Variants in THSD4 observed in about 807,000 individuals in gnomAD.
THSD4 encodes the protein thrombospondin type 1 domain containing 4, also known as thrombospondin type-1 domain-containing protein 4.
In THSD4, 69 loss-of-function variants were observed where a neutral mutation model predicts 119.0. That is an observed-to-expected ratio of 0.58 (90% CI 0.48 to 0.71). THSD4 has a LOEUF of 0.71. Ranked by LOEUF, THSD4 falls within the 30% of genes least tolerant of loss-of-function variation. The pLI, the probability that THSD4 is intolerant of heterozygous loss-of-function variation, is 0.00. For synonymous variants in THSD4, 524 were observed against 540.4 expected, an observed-to-expected ratio of 0.97 and a Z score of 0.42; for missense variants, 1,393 against 1,391.1, an observed-to-expected ratio of 1.00 and a Z score of -0.02.
At chr15:71,532,283 A>AGAGAGT (rs1379506089) in intron 7 of THSD4, among the ~76,000 whole-genome samples, 2,411 of 101,590 alleles carry the variant, frequency 0.024, 68 homozygotes, top group Middle Eastern at 0.038. Context: ...AGAGAGAGAG[A>AGAGAGT]GTGTGTGTGT....
intron 7 of THSD4, among the ~76,000 whole-genome samples, chr15:71,574,892 A>AT (rs1164463538): frequency 6.6e-6 from 1 of 152,156 alleles, no homozygotes; most frequent in Non-Finnish European, 1.5e-5. Flanking sequence ...ATTTCTCTAG[A>AT]TATCCTGGAA....
At chr15:71,680,490 CAG>C (rs1169327251) in intron 8 of THSD4, among the ~76,000 whole-genome samples, 1 of 152,148 alleles carries the variant, frequency 6.6e-6, no homozygotes, top group East Asian at 1.9e-4. Flanking sequence ...ATTTGTTGAT[CAG>C]AGAAAAAGGA....
intron 6 of THSD4, among the ~76,000 whole-genome samples, chr15:71,340,324 G>A (rs2045548900): frequency 6.6e-6 from 1 of 152,192 alleles, no homozygotes; most frequent in Non-Finnish European, 1.5e-5. Flanking sequence ...AGGACTTGCT[G>A]AAGGTCACTT....
intron 6 of THSD4, chr15:71,341,595 G>C: frequency 6.3e-7 from 1 of 1,593,546 alleles, no homozygotes; most frequent in Non-Finnish European, 8.6e-7. Flanking sequence ...TTTCGTATAT[G>C]CATACCCTTG....
chr15:71,699,760 G>A (rs73430222), intron 8 of THSD4, among the ~76,000 whole-genome samples: 104 of 152,242 alleles, frequency 6.8e-4, no homozygotes, highest in African/African-American at 2.4e-3. Flanking sequence ...CTCATCAGAA[G>A]GGCTTTGTGG....
At chr15:71,757,420 T>C (rs553268553) in intron 14 of THSD4, among the ~76,000 whole-genome samples, 1 of 140,638 alleles carries the variant, frequency 7.1e-6, no homozygotes, top group South Asian at 2.2e-4. Context: ...GCTGAATATA[T>C]ATATATTTTT....
At chr15:71,730,867 T>G in intron 9 of THSD4, 1 of 462,124 alleles carries the variant, frequency 2.2e-6, no homozygotes, top group Middle Eastern at 6.2e-4. Flanking sequence ...TCCTTTGGAG[T>G]TTAGAAAATC....
chr15:71,624,288 G>T (rs1372929104), intron 7 of THSD4, among the ~76,000 whole-genome samples: 1 of 152,226 alleles, frequency 6.6e-6, no homozygotes, highest in Admixed American at 6.5e-5. Context: ...GGGGGATTCA[G>T]CTCTGAGTCT....
chr15:71,134,770 C>A lies in THSD4; in HGVS notation c.-79-6679C>A, dbSNP rs555624608. 1.3e-3 allele frequency among the ~76,000 whole-genome samples: 191 copies of A among 152,316 alleles called. 1 individual carries two copies. Among genetic ancestry groups the A allele is most frequent in the Non-Finnish European group, 2.0e-3 (134 of 68,032 alleles). On this transcript the variant is annotated intron_variant, in intron 1 of 17. Transcript: ENST00000261862. ...TAAAAGTGTTCCTATTTCTCCACAT[C>A]CTCTCCAGCACCTGTTGTTTCCTGA...
intron 14 of THSD4, among the ~76,000 whole-genome samples, chr15:71,749,523 C>T (rs927044907): frequency 6.6e-5 from 10 of 152,042 alleles, no homozygotes; most frequent in African/African-American, 2.4e-4. Context: ...CCTTGGTTAG[C>T]GGCCTACCTC....
chr15:71,443,655 G>A (rs2047140258), intron 7 of THSD4, among the ~76,000 whole-genome samples: 1 of 151,364 alleles, frequency 6.6e-6, no homozygotes, highest in Admixed American at 6.6e-5. Context: ...GGCATTTGCA[G>A]AACCGCAGCA....
intron 5 of THSD4, among the ~76,000 whole-genome samples, chr15:71,244,713 A>G (rs909135594): frequency 1.1e-4 from 16 of 152,240 alleles, no homozygotes; most frequent in African/African-American, 3.9e-4. Context: ...GAGGGATGGT[A>G]GGAAAGTGCT....
At chr15:71,526,069 C>T (rs2048514124) in intron 7 of THSD4, among the ~76,000 whole-genome samples, 1 of 152,178 alleles carries the variant, frequency 6.6e-6, no homozygotes. Context: ...TTCACTGACC[C>T]ATCACTATTT....
intron 5 of THSD4, among the ~76,000 whole-genome samples, chr15:71,245,276 C>T (rs552415828): frequency 2.6e-5 from 4 of 152,276 alleles, no homozygotes; most frequent in African/African-American, 9.6e-5. Context: ...TCCAAGTCCA[C>T]ATCCTGCTTA....
chr15:71,735,472 T>TTCTCACTCTCTCTCTCTCTCTCTCTC (rs2053067031), intron 10 of THSD4, among the ~76,000 whole-genome samples: 1 of 144,784 alleles, frequency 6.9e-6, no homozygotes, highest in African/African-American at 2.6e-5. Flanking sequence ...CTCTCTCTCT[T>TTCTCACTCTCTCTCTCTCTCTCTCTC]TCTCACTAGC....
intron 6 of THSD4, among the ~76,000 whole-genome samples, chr15:71,307,253 G>T (rs1190843169): frequency 2.0e-5 from 3 of 152,192 alleles, no homozygotes; most frequent in Non-Finnish European, 2.9e-5. Context: ...TGGGAAGTTA[G>T]GTTGTCATGT....
chr15:71,132,100 A>G (rs997622469), intron 1 of THSD4, among the ~76,000 whole-genome samples: 3 of 152,192 alleles, frequency 2.0e-5, no homozygotes, highest in African/African-American at 7.2e-5. Context: ...TCATAGCATT[A>G]TTGGCAAATG....
chr15:71,591,530 G>A (rs922567501), intron 7 of THSD4, among the ~76,000 whole-genome samples: 6 of 152,136 alleles, frequency 3.9e-5, no homozygotes, highest in Non-Finnish European at 8.8e-5. Context: ...GGGCTTCCCT[G>A]TCACACATGT....
intron 7 of THSD4, among the ~76,000 whole-genome samples, chr15:71,556,586 AT>A (rs1041114244): frequency 6.4e-5 from 9 of 141,626 alleles, no homozygotes; most frequent in African/African-American, 2.2e-4. Flanking sequence ...TACAAAAAAA[AT>A]AATAATAATT....
Sources: gnomAD v4.1 joint callset for allele counts (sites outside exome capture counted in the v4.1 genomes callset) on GRCh38, gnomAD v4.1.1 for gene constraint, MANE v1.5 for transcripts, NCBI Gene and HGNC (gene_info 2026-07-23, HGNC 2026-07-21) for gene names.